FRMD4A: variants seen among roughly 807,000 people sequenced by gnomAD.
FRMD4A encodes the protein FERM domain-containing protein 4A.
In FRMD4A, 29 loss-of-function variants were observed where a neutral mutation model predicts 129.1. The observed-to-expected ratio is 0.22, with a 90% CI of 0.17 to 0.31. FRMD4A has a LOEUF of 0.31. Ranked by LOEUF, FRMD4A falls within the 10% of genes least tolerant of loss-of-function variation. The pLI, the probability that FRMD4A is intolerant of heterozygous loss-of-function variation, is 1.00. For missense variants in FRMD4A, 1,272 were observed against 1,375.8 expected, an observed-to-expected ratio of 0.92 and a Z score of 1.19; for synonymous variants, 634 against 571.6, an observed-to-expected ratio of 1.11 and a Z score of -1.56.
At chr10:13,882,192 G>T (rs572803943) in intron 2 of FRMD4A, among the ~76,000 whole-genome samples, 1 of 152,220 alleles carries the variant, frequency 6.6e-6, no homozygotes, top group East Asian at 1.9e-4. Flanking sequence ...GCTGGCCAAA[G>T]GATAAGCTGT....
At chr10:13,700,341 G>T (rs750371408) in intron 14 of FRMD4A, among the ~76,000 whole-genome samples, 3 of 152,034 alleles carry the variant, frequency 2.0e-5, no homozygotes, top group Non-Finnish European at 4.4e-5. Flanking sequence ...TTAAAATATG[G>T]ATAAGATGGC....
intron 2 of FRMD4A, among the ~76,000 whole-genome samples, chr10:13,964,428 C>T (rs1000030636): frequency 2.6e-5 from 3 of 114,968 alleles, no homozygotes; most frequent in East Asian, 2.8e-4. Flanking sequence ...TTTATTTTTC[C>T]TATAGTTTTA....
intron 2 of FRMD4A, among the ~76,000 whole-genome samples, chr10:13,966,170 C>T (rs1320315494): frequency 2.6e-5 from 4 of 152,118 alleles, no homozygotes; most frequent in East Asian, 1.9e-4. Context: ...CAGGTGCCCG[C>T]CATCGTACCT....
At chr10:14,176,260 A>T (rs984373452) in intron 2 of FRMD4A, among the ~76,000 whole-genome samples, 5 of 151,956 alleles carry the variant, frequency 3.3e-5, no homozygotes, top group African/African-American at 1.2e-4. Flanking sequence ...AAGCCCTTCC[A>T]TCTATCATTG....
intron 2 of FRMD4A, among the ~76,000 whole-genome samples, chr10:13,912,720 G>C (rs1052213803): frequency 2.6e-5 from 4 of 151,552 alleles, no homozygotes; most frequent in African/African-American, 7.3e-5. Flanking sequence ...TAGTAGAGAC[G>C]GGGTTTCACC....
At chr10:13,811,202 C>T (rs12241281) in intron 3 of FRMD4A, among the ~76,000 whole-genome samples, 1 of 147,740 alleles carries the variant, frequency 6.8e-6, no homozygotes, top group African/African-American at 2.5e-5. Flanking sequence ...GTGGCATGAT[C>T]TTCGCTCACT....
intron 2 of FRMD4A, among the ~76,000 whole-genome samples, chr10:13,907,401 C>T (rs990848500): frequency 6.6e-5 from 10 of 152,058 alleles, no homozygotes; most frequent in Non-Finnish European, 1.2e-4. Context: ...ATCCAGAAAT[C>T]GAGGCTCAGG....
chr10:14,092,025 C>A (rs1277218305), intron 2 of FRMD4A, among the ~76,000 whole-genome samples: 1 of 152,158 alleles, frequency 6.6e-6, no homozygotes, highest in African/African-American at 2.4e-5. Context: ...AGTTTCTATT[C>A]CCCTGAACCC....
At chr10:14,103,844 G>A (rs1300810663) in intron 2 of FRMD4A, among the ~76,000 whole-genome samples, 6 of 152,070 alleles carry the variant, frequency 3.9e-5, no homozygotes, top group Non-Finnish European at 8.8e-5. Context: ...CTATGACAAT[G>A]AGTAGAATTT....
intron 2 of FRMD4A, among the ~76,000 whole-genome samples, chr10:13,973,598 C>T (rs1188652345): frequency 6.6e-6 from 1 of 152,088 alleles, no homozygotes; most frequent in Non-Finnish European, 1.5e-5. Flanking sequence ...CTTATTTTTG[C>T]ACCCCAGTAA....
chr10:14,298,437 G>A (rs2132085664), intron 2 of FRMD4A, among the ~76,000 whole-genome samples: 1 of 152,300 alleles, frequency 6.6e-6, no homozygotes, highest in African/African-American at 2.4e-5. Flanking sequence ...TCTGTGTGGG[G>A]TAGGATCTGT....
intron 17 of FRMD4A, chr10:13,668,457 T>C (rs2134702573): frequency 6.6e-6 from 1 of 152,372 alleles, no homozygotes; most frequent in Middle Eastern, 3.4e-3. Context: ...AATGTCTGCC[T>C]GTTATATGAA....
chr10:14,258,213 G>A (rs988099439), intron 2 of FRMD4A, among the ~76,000 whole-genome samples: 3 of 150,388 alleles, frequency 2.0e-5, no homozygotes, highest in Admixed American at 6.6e-5. Context: ...CTTCAAAAAA[G>A]AAGAGTATTA....
chr10:13,686,112 T>G (rs1239118264), intron 15 of FRMD4A, among the ~76,000 whole-genome samples: 4 of 152,152 alleles, frequency 2.6e-5, no homozygotes, highest in Non-Finnish European at 2.9e-5. Flanking sequence ...CAATCCGACT[T>G]TGGCTGCGCC....
intron 3 of FRMD4A, among the ~76,000 whole-genome samples, chr10:13,836,941 T>C (rs1021659534): frequency 1.3e-5 from 2 of 152,042 alleles, no homozygotes; most frequent in African/African-American, 4.8e-5. Context: ...GTATTTTTAG[T>C]AGAGACGGGG....
chr10:13,944,365 G>C (rs1002923030), intron 2 of FRMD4A, among the ~76,000 whole-genome samples: 1 of 151,912 alleles, frequency 6.6e-6, no homozygotes, highest in Admixed American at 6.6e-5. Context: ...CTGATGATTT[G>C]TCACTGTCTC....
intron 2 of FRMD4A, among the ~76,000 whole-genome samples, chr10:14,040,763 T>C (rs754595303): frequency 6.6e-6 from 1 of 152,208 alleles, no homozygotes; most frequent in Non-Finnish European, 1.5e-5. Context: ...TCTGCAAATG[T>C]GTTCTCCAGA....
At chr10:13,872,083 A>G (rs1040918384) in intron 2 of FRMD4A, among the ~76,000 whole-genome samples, 11 of 152,242 alleles carry the variant, frequency 7.2e-5, no homozygotes, top group African/African-American at 2.7e-4. Context: ...GCTGCACATA[A>G]AAAGTGCAGA....
chr10:13,916,938 A>C (rs1277089246), intron 2 of FRMD4A, among the ~76,000 whole-genome samples: 1 of 152,218 alleles, frequency 6.6e-6, no homozygotes, highest in Non-Finnish European at 1.5e-5. Context: ...TTAAAACGAA[A>C]GCTTTGTGTG....
Sources: gnomAD v4.1 joint callset for allele counts (sites outside exome capture counted in the v4.1 genomes callset) on GRCh38, gnomAD v4.1.1 for gene constraint, MANE v1.5 for transcripts, NCBI Gene and HGNC (gene_info 2026-07-23, HGNC 2026-07-21) for gene names.